The following BICC1 variants were observed in gnomAD, a reference collection of about 807,000 sequenced individuals.
BICC1 encodes BicC family RNA binding protein 1.
In BICC1, 43 loss-of-function variants were observed where a neutral mutation model predicts 111.0. The observed-to-expected ratio is 0.39, with a 90% CI of 0.30 to 0.50. The LOEUF is 0.50. BICC1 is among the 20% of genes least tolerant of loss of function. The pLI is 0.88. For missense variants in BICC1, 1,091 were observed against 1,203.2 expected (o/e 0.91, Z 1.38); for synonymous variants, 467 against 434.4 (o/e 1.07, Z -0.93).
rs947764257 is a variant in BICC1, at chr10:58,537,326, T to A, written c.190+23993T>A. On this transcript the variant is annotated intron_variant, in intron 1 of 20. Transcript: ENST00000373886. Reference sequence around the variant, plus strand: ...GATGCAAAAATCCTCAACAAAATACTAGAAATGGAATGAACTAGAACAAAA... The same window carrying A: ...GATGCAAAAATCCTCAACAAAATACAAGAAATGGAATGAACTAGAACAAAA... Among the ~76,000 whole-genome samples the A allele has an allele frequency of 2.1e-5, 3 of 144,308 alleles. No individual in the cohort carries two copies. The East Asian group carries it at 6.1e-4, about 29-fold the overall frequency. 94.7% of individuals were successfully genotyped at this position (144,308 alleles called of 152,430 possible). A position where few individuals can be genotyped will look rare whatever the true frequency, so the allele number is the denominator to read the frequency against.
At chr10:58,739,541 A>AG (rs535923085) in intron 3 of BICC1, among the ~76,000 whole-genome samples, 1 of 2,998 alleles carries the variant, frequency 3.3e-4, no homozygotes, top group Admixed American at 4.7e-3. Context: ...ACTTTAGTTT[A>AG]ATTTTTTTTT....
At chr10:58,802,083 C>A (rs946683794) in intron 14 of BICC1, among the ~76,000 whole-genome samples, 1 of 152,156 alleles carries the variant, frequency 6.6e-6, no homozygotes, top group Non-Finnish European at 1.5e-5. Context: ...AATTTACTTT[C>A]GAAAACAGGT....
chr10:58,560,650 C>T (rs1769446996), intron 1 of BICC1, among the ~76,000 whole-genome samples: 1 of 150,888 alleles, frequency 6.6e-6, no homozygotes, highest in Non-Finnish European at 1.5e-5. Context: ...TGAGGTTGTT[C>T]ATTTCAGGTC....
chr10:58,516,494 G>GT (rs1343180924), intron 1 of BICC1, among the ~76,000 whole-genome samples: 2 of 104,056 alleles, frequency 1.9e-5, no homozygotes, highest in Non-Finnish European at 3.8e-5. Context: ...CTTTTTTCAT[G>GT]GTTTTTTACT....
At chr10:58,813,476 A>G (rs1443314839) in intron 17 of BICC1, among the ~76,000 whole-genome samples, 2 of 152,156 alleles carry the variant, frequency 1.3e-5, no homozygotes, top group Non-Finnish European at 2.9e-5. Flanking sequence ...TTGCTCTACC[A>G]GGTGGAAGAT....
chr10:58,699,192 G>T (rs1224338135), intron 2 of BICC1, among the ~76,000 whole-genome samples: 4 of 152,218 alleles, frequency 2.6e-5, no homozygotes, highest in African/African-American at 9.6e-5. Flanking sequence ...AGTATACAGA[G>T]CTCTAGTTTT....
At chr10:58,555,220 T>C (rs756390082) in intron 1 of BICC1, among the ~76,000 whole-genome samples, 1 of 151,914 alleles carries the variant, frequency 6.6e-6, no homozygotes, top group Non-Finnish European at 1.5e-5. Flanking sequence ...TGAAATTTGA[T>C]GTAATGTACT....
chr10:58,641,751 G>C (rs921411399), intron 2 of BICC1, among the ~76,000 whole-genome samples: 1 of 152,102 alleles, frequency 6.6e-6, no homozygotes, highest in African/African-American at 2.4e-5. Context: ...TCTTTTGAGA[G>C]ATTCTTTTTT....
At chr10:58,600,345 C>A (rs1844986420) in intron 1 of BICC1, among the ~76,000 whole-genome samples, 1 of 152,138 alleles carries the variant, frequency 6.6e-6, no homozygotes, top group Admixed American at 6.6e-5. Context: ...AAGCTGACTG[C>A]ATTTTACGTG....
At chr10:58,620,943 A>G (rs1438040143) in intron 2 of BICC1, 42 bp downstream of exon 2, 1 of 1,553,110 alleles carries the variant, frequency 6.4e-7, no homozygotes, top group East Asian at 2.2e-5. Flanking sequence ...AAGTAAGAGG[A>G]AATATACTTA....
intron 3 of BICC1, among the ~76,000 whole-genome samples, chr10:58,735,720 C>A (rs1159126242): frequency 6.6e-6 from 1 of 152,136 alleles, no homozygotes; most frequent in Admixed American, 6.5e-5. Context: ...CTGAGTTTCA[C>A]AGTGAAATGT....
chr10:58,599,446 A>G (rs1844950365), intron 1 of BICC1, among the ~76,000 whole-genome samples: 1 of 152,172 alleles, frequency 6.6e-6, no homozygotes, highest in Non-Finnish European at 1.5e-5. Context: ...TGGGAGTTGG[A>G]CAGTGAGAAC....
At chr10:58,719,688 T>C (rs1017583773) in intron 3 of BICC1, among the ~76,000 whole-genome samples, 4 of 152,216 alleles carry the variant, frequency 2.6e-5, no homozygotes, top group Non-Finnish European at 5.9e-5. Context: ...CAAAGACCAG[T>C]ATGTCTTATT....
chr10:58,745,141 T>G (rs572051954), intron 3 of BICC1, among the ~76,000 whole-genome samples: 1 of 152,262 alleles, frequency 6.6e-6, no homozygotes, highest in Admixed American at 6.5e-5. Flanking sequence ...ATCACAAAAC[T>G]TCAACTTTTA....
intron 2 of BICC1, among the ~76,000 whole-genome samples, chr10:58,621,806 G>A (rs553595584): frequency 3.5e-4 from 54 of 152,132 alleles, no homozygotes; most frequent in African/African-American, 1.2e-3. Flanking sequence ...GCTGAGGCAC[G>A]AGAGTCACTT....
intron 3 of BICC1, among the ~76,000 whole-genome samples, chr10:58,708,287 T>C (rs1840460828): frequency 1.3e-5 from 2 of 152,172 alleles, no homozygotes; most frequent in African/African-American, 4.8e-5. Flanking sequence ...CCACCATGCC[T>C]GGCCAATATT....
At chr10:58,670,402 A>G (rs1188448248) in intron 2 of BICC1, among the ~76,000 whole-genome samples, 1 of 152,174 alleles carries the variant, frequency 6.6e-6, no homozygotes, top group Non-Finnish European at 1.5e-5. Flanking sequence ...ATAGACCATT[A>G]TTATCACATT....
chr10:58,532,723 C>T (rs1410291054), intron 1 of BICC1, among the ~76,000 whole-genome samples: 2 of 151,838 alleles, frequency 1.3e-5, no homozygotes, highest in Non-Finnish European at 2.9e-5. Flanking sequence ...TTAGCTTACA[C>T]AATTCTGACT....
chr10:58,721,171 T>C (rs1236583344), intron 3 of BICC1, among the ~76,000 whole-genome samples: 1 of 152,354 alleles, frequency 6.6e-6, no homozygotes, highest in East Asian at 1.9e-4. Context: ...ACATTATTTA[T>C]GTCTTTTCAG....
Sources: allele counts gnomAD v4.1 joint callset (sites outside exome capture counted in the v4.1 genomes callset), GRCh38; gene constraint gnomAD v4.1.1; transcripts MANE v1.5; gene names NCBI Gene and HGNC (gene_info 2026-07-23, HGNC 2026-07-21).